The following SUMF1 variants were observed in gnomAD, a reference collection of about 807,000 sequenced individuals.
The protein encoded by SUMF1 is sulfatase modifying factor 1, also known as formylglycine-generating enzyme.
Under a neutral mutation model 47.6 loss-of-function variants are expected in SUMF1, and 48 were observed. That is an observed-to-expected ratio of 1.01 (90% CI 0.80 to 1.28). SUMF1 has a LOEUF of 1.28. SUMF1 is among the 50% of genes most tolerant of loss of function. The probability of loss-of-function intolerance (pLI) is 0.00; values close to 1 mark genes in which losing one functional copy is unlikely to be tolerated. For missense variants in SUMF1, 571 were observed against 485.4 expected (o/e 1.18, Z -1.66); for synonymous variants, 230 against 192.1 (o/e 1.20, Z -1.63).
chr3:4,342,555 T>A (rs763146368), intron 8 of SUMF1, among the ~76,000 whole-genome samples: 42 of 152,288 alleles, frequency 2.8e-4, no homozygotes, highest in Non-Finnish European at 5.0e-4. Context: ...ATAACAATAA[T>A]AATTATAAAA....
Position 4,467,004 on chromosome 3 carries a change from G to T in SUMF1, c.242C>A (p.Pro81His). The change falls in exon 1 of 9, where the codon CCC becomes CAC. Residue 81 changes from proline to histidine, a missense_variant. Physicochemically the swap from Pro to His is moderately conservative, Grantham distance 77. Coordinates refer to ENST00000272902, the MANE Select transcript of SUMF1 (RefSeq NM_182760.4). ...SREANAPGPV[P>H]GERQLAHSKM... ...TGAGTGCGCGAGTTGCCGCTCTCCG[G>T]GTACGGGGCCCGGAGCGTTAGCCTC... The T allele has an allele frequency of 6.3e-7, 1 of 1,598,082 alleles. No individual in the cohort carries two copies. The highest frequency in any genetic ancestry group is 8.5e-7 in the Non-Finnish European group (1 of 1,174,156).
chr3:4,313,219 C>T (rs1422886119), intron 8 of SUMF1: 4 of 1,613,740 alleles, frequency 2.5e-6, no homozygotes, highest in East Asian at 2.2e-5. Context: ...GGAATTTATA[C>T]CGAAAGGAAG....
chr3:4,060,538 A>G (rs529284154), intron 9 of SUMF1, among the ~76,000 whole-genome samples: 1 of 152,302 alleles, frequency 6.6e-6, no homozygotes, highest in South Asian at 2.1e-4. Context: ...TAACACCCCC[A>G]GCAGAGTCTT....
chr3:4,421,792 G>T (rs1701907646), intron 3 of SUMF1, among the ~76,000 whole-genome samples: 1 of 152,142 alleles, frequency 6.6e-6, no homozygotes, highest in South Asian at 2.1e-4. Context: ...GCCTGCAAAT[G>T]ATTCTTCTAA....
chr3:4,041,480 A>C (rs1046940669), intron 9 of SUMF1, among the ~76,000 whole-genome samples: 3 of 152,186 alleles, frequency 2.0e-5, no homozygotes, highest in Admixed American at 1.3e-4. Context: ...GAGCTTCAGC[A>C]CTGCAATCCT....
intron 9 of SUMF1, among the ~76,000 whole-genome samples, chr3:4,059,723 G>A (rs773318966): frequency 6.7e-6 from 1 of 149,086 alleles, no homozygotes; most frequent in Non-Finnish European, 1.5e-5. Context: ...AGGCATTAAC[G>A]CATAATCACA....
intron 8 of SUMF1, among the ~76,000 whole-genome samples, chr3:4,121,345 C>T (rs1193533239): frequency 6.6e-6 from 1 of 152,174 alleles, no homozygotes; most frequent in Non-Finnish European, 1.5e-5. Context: ...GATATATTAT[C>T]TTTACTATGT....
At chr3:4,209,620 C>G (rs893882966) in intron 8 of SUMF1, among the ~76,000 whole-genome samples, 7 of 149,394 alleles carry the variant, frequency 4.7e-5, no homozygotes, top group Non-Finnish European at 1.0e-4. Flanking sequence ...AAGAAAAAAA[C>G]AACAATATAA....
At chr3:4,294,365 C>T (rs532644410) in intron 8 of SUMF1, among the ~76,000 whole-genome samples, 3 of 152,224 alleles carry the variant, frequency 2.0e-5, no homozygotes, top group East Asian at 3.9e-4. Flanking sequence ...GAGTTCAAGA[C>T]GAGCCCAGGC....
intron 7 of SUMF1, among the ~76,000 whole-genome samples, chr3:4,405,616 G>T (rs376542191): frequency 1.3e-5 from 2 of 152,244 alleles, no homozygotes; most frequent in South Asian, 4.1e-4. Context: ...TCAAACTCCT[G>T]AGCTCAAGCG....
chr3:4,036,643 A>G (rs983090530), intron 9 of SUMF1, among the ~76,000 whole-genome samples: 2 of 151,360 alleles, frequency 1.3e-5, no homozygotes, highest in African/African-American at 4.8e-5. Context: ...GAGCTGGTCA[A>G]CCAAGACCTG....
In SUMF1 at chr3:4,453,274, A is replaced by G. The variant is rs567050899; in HGVS notation, c.271-225T>C. The stretch of plus-strand genomic sequence containing the variant: ...AGGTAATCTCCTTAATCAAACCACT[A>G]CTTGATACAAATCTGTACCTGCACT... On this transcript the variant is annotated intron_variant, in intron 1 of 8. Coordinates refer to ENST00000272902, the MANE Select transcript of SUMF1 (RefSeq NM_182760.4). 5.8e-4 allele frequency among the ~76,000 whole-genome samples: 88 copies of G among 152,296 alleles called. 1 individual carries two copies. Among genetic ancestry groups the G allele is most frequent in the African/African-American group, 1.9e-3 (78 of 41,552 alleles).
chr3:4,407,085 G>GAC (rs113556805), intron 7 of SUMF1, among the ~76,000 whole-genome samples: 16,823 of 148,568 alleles, frequency 0.11, 2,247 homozygotes, highest in African/African-American at 0.33. Flanking sequence ...ACACACATGG[G>GAC]ACACACACAC....
In SUMF1 at chr3:4,084,888, G is replaced by C. The variant is rs138266066; in HGVS notation, c.1015-16143C>G. On this transcript the variant is annotated intron_variant and NMD_transcript_variant, in intron 8 of 12. Transcript: ENST00000448413. The stretch of plus-strand genomic sequence containing the variant: ...TATCCCTCAGAAGTGCCAATTTTAC[G>C]TCTTTCCCAGTTTTCAACATAACAG... Among the ~76,000 whole-genome samples the C allele has an allele frequency of 4.6e-5, 7 of 152,146 alleles. No individual in the cohort carries two copies. In the South Asian group the frequency reaches 1.2e-3, roughly 27 times the overall value.
chr3:4,239,158 T>C (rs1177045046), intron 8 of SUMF1, among the ~76,000 whole-genome samples: 2 of 152,218 alleles, frequency 1.3e-5, no homozygotes, highest in African/African-American at 4.8e-5. Context: ...ACCCGTACCA[T>C]GCTATTTTGG....
intron 8 of SUMF1, among the ~76,000 whole-genome samples, chr3:4,169,870 G>A (rs17040099): frequency 6.6e-6 from 1 of 152,062 alleles, no homozygotes; most frequent in East Asian, 1.9e-4. Context: ...CACTGCAAAA[G>A]CCTCGTTAAA....
intron 8 of SUMF1, among the ~76,000 whole-genome samples, chr3:4,336,402 C>T (rs1353342631): frequency 1.3e-5 from 2 of 152,062 alleles, no homozygotes; most frequent in African/African-American, 4.8e-5. Context: ...AGTAAATCTA[C>T]ATTTTACATA....
At chr3:4,158,351 T>C (rs996998558) in intron 8 of SUMF1, among the ~76,000 whole-genome samples, 5 of 151,606 alleles carry the variant, frequency 3.3e-5, no homozygotes, top group Admixed American at 2.0e-4. Flanking sequence ...TTTTGAATGT[T>C]TGCTTGTTTT....
At chr3:4,351,818 T>C (rs565471862) in intron 8 of SUMF1, among the ~76,000 whole-genome samples, 1 of 152,172 alleles carries the variant, frequency 6.6e-6, no homozygotes, top group Non-Finnish European at 1.5e-5. Context: ...AAGTTTGGAG[T>C]GGATTTAAAG....
Sources: gnomAD v4.1 joint callset for allele counts (sites outside exome capture counted in the v4.1 genomes callset) on GRCh38, gnomAD v4.1.1 for gene constraint, MANE v1.5 for transcripts, NCBI Gene and HGNC (gene_info 2026-07-23, HGNC 2026-07-21) for gene names.